Variants in MLXIP observed in about 807,000 individuals in gnomAD.
The protein encoded by MLXIP is MLX interacting protein.
A neutral mutation model predicts 87.2 loss-of-function variants in MLXIP; 30 were observed. That is an observed-to-expected ratio of 0.34 (90% confidence interval 0.26 to 0.47). The LOEUF (loss-of-function observed/expected upper bound fraction) is 0.47, where lower values mean the gene tolerates loss of function less well. Among genes scored for constraint, MLXIP ranks in the 20% least tolerant of loss-of-function variants. The pLI is 1.00. For missense variants in MLXIP, 1,002 were observed against 1,240.1 expected, an observed-to-expected ratio of 0.81 and a Z score of 2.88; for synonymous variants, 530 against 514.0, an observed-to-expected ratio of 1.03 and a Z score of -0.42.
At chr12:122,139,684 TC>T (rs1318889297) in intron 15 of MLXIP, among the ~76,000 whole-genome samples, 1 of 152,100 alleles carries the variant, frequency 6.6e-6, no homozygotes, top group Non-Finnish European at 1.5e-5. Flanking sequence ...GTTTCTTTTT[TC>T]CCCCTGAGAC....
chr12:122,114,903 T>G (rs1952665935), intron 1 of MLXIP, among the ~76,000 whole-genome samples: 1 of 151,834 alleles, frequency 6.6e-6, no homozygotes. Context: ...GCGCCACTAC[T>G]GCCCGGTTAA....
intron 1 of MLXIP, among the ~76,000 whole-genome samples, chr12:122,106,742 C>T (rs1454890174): frequency 1.3e-5 from 2 of 151,892 alleles, no homozygotes; most frequent in East Asian, 3.9e-4. Flanking sequence ...GCTGGGACTA[C>T]AGGCCTGCAC....
At chr12:122,101,879 T>C (rs1406693799) in intron 1 of MLXIP, among the ~76,000 whole-genome samples, 2 of 152,196 alleles carry the variant, frequency 1.3e-5, no homozygotes, top group Admixed American at 6.5e-5. Context: ...GCGCCCGGCC[T>C]TCTCTTCAAG....
At chr12:122,131,046 G>A (rs550206037) in intron 7 of MLXIP, 113 bp downstream of exon 7, 3 of 711,720 alleles carry the variant, frequency 4.2e-6, no homozygotes, top group South Asian at 3.6e-5. Flanking sequence ...GCAAGGGGGC[G>A]AGCAAAGAAT....
intron 1 of MLXIP, among the ~76,000 whole-genome samples, chr12:122,098,703 A>G (rs1213180548): frequency 6.6e-6 from 1 of 152,186 alleles, no homozygotes; most frequent in African/African-American, 2.4e-5. Context: ...AGGGAAGGGC[A>G]GGTTTTTCAG....
intron 7 of MLXIP, 67 bp from the exon 8 acceptor site, chr12:122,132,225 T>C: frequency 7.6e-7 from 1 of 1,307,800 alleles, no homozygotes; most frequent in Middle Eastern, 1.8e-4. Flanking sequence ...CCTGGCCCTG[T>C]TTGAGTCTTG....
At chr12:122,141,236 A>C in intron 16 of MLXIP, 153 bp downstream of exon 16, 1 of 694,584 alleles carries the variant, frequency 1.4e-6, no homozygotes, top group Non-Finnish European at 1.8e-6. Context: ...CTCAGTCAGG[A>C]GCGCCCAGTG....
At chr12:122,097,022 G>A (rs528395232) in intron 1 of MLXIP, among the ~76,000 whole-genome samples, 70 of 152,330 alleles carry the variant, frequency 4.6e-4, no homozygotes, top group Non-Finnish European at 7.6e-4. Flanking sequence ...GATTGAGTCC[G>A]GAGATGCCGC....
Position 122,145,873 on chromosome 12 carries a change from G to A in MLXIP, c.*4061G>A, listed in dbSNP as rs1228793585. The A allele has an allele frequency of 6.6e-6, 1 of 152,302 alleles. No individual in the cohort carries two copies. Among genetic ancestry groups the A allele is most frequent in the African/African-American group, 2.4e-5 (1 of 41,412 alleles). 9.4% of individuals were successfully genotyped at this position (152,302 alleles called of 1,614,324 possible). ...GCTCTGACGTGGGAAGGCTTGGAGG[G>A]CCCGTCTCATCACCCCCGTTCGCCC... On this transcript the variant is annotated 3_prime_UTR_variant, in exon 17 of 17. Coordinates refer to ENST00000319080, the MANE Select transcript of MLXIP (RefSeq NM_014938.6).
In MLXIP at chr12:122,129,252, C is replaced by T. The variant is rs1215839311; in HGVS notation, c.696+26C>T. ...GTATCTGGCTGGAGTGTTCAGGCAG[C>T]CCGCCTAGGGAGGGAGTGGGCAGAG... On this transcript the variant is annotated intron_variant, in intron 4 of 16. Coordinates refer to ENST00000319080, the MANE Select transcript of MLXIP (RefSeq NM_014938.6). The T allele has an allele frequency of 3.2e-6, 5 of 1,573,666 alleles. No homozygotes were observed. The South Asian group carries it at 3.4e-5, about 11-fold the overall frequency.
At chr12:122,099,616 A>G (rs565520900) in intron 1 of MLXIP, among the ~76,000 whole-genome samples, 16 of 152,358 alleles carry the variant, frequency 1.1e-4, no homozygotes, top group African/African-American at 3.4e-4. Flanking sequence ...TCAGGCTACA[A>G]ATAACCAGCA....
chr12:122,085,220 G>T (rs1206609889), intron 1 of MLXIP, among the ~76,000 whole-genome samples: 1 of 152,080 alleles, frequency 6.6e-6, no homozygotes, highest in African/African-American at 2.4e-5. Context: ...CCCCCTGGAA[G>T]GCACCCTGAT....
At chr12:122,109,702 T>C (rs28548845) in intron 1 of MLXIP, among the ~76,000 whole-genome samples, 76,939 of 152,002 alleles carry the variant, frequency 0.51, 19,981 homozygotes, top group Middle Eastern at 0.64. Flanking sequence ...CCAAACTCCT[T>C]TGCTACTTGG....
chr12:122,085,682 A>T (rs1189065458), intron 1 of MLXIP, among the ~76,000 whole-genome samples: 2 of 152,116 alleles, frequency 1.3e-5, no homozygotes, highest in Non-Finnish European at 2.9e-5. Context: ...AATTGTGTTT[A>T]TCTTGAGCTC....
At chr12:122,096,182 A>G (rs1952349249) in intron 1 of MLXIP, among the ~76,000 whole-genome samples, 3 of 151,978 alleles carry the variant, frequency 2.0e-5, no homozygotes, top group East Asian at 1.9e-4. Context: ...GGCTCAAGCA[A>G]TCGTCCCGCC....
At position 122,142,133 on chromosome 12, in the gene MLXIP, C is replaced by T. The variant is rs752236544; in HGVS notation, c.*321C>T. The stretch of plus-strand genomic sequence containing the variant: ...TGGTCCTGCCCTGCTGGTGGCCTGC[C>T]GGGCCTGGCGCCGGTGAGCGGAATC... On this transcript the variant is annotated 3_prime_UTR_variant, in exon 17 of 17. Coordinates refer to ENST00000319080, the MANE Select transcript of MLXIP (RefSeq NM_014938.6). 136 of 700,892 alleles carry T rather than the reference C, an allele frequency of 1.9e-4. No individual in the cohort carries two copies. Among genetic ancestry groups the T allele is most frequent in the Non-Finnish European group, 1.1e-4 (41 of 384,664 alleles). The allele number at this position is 700,892 out of a possible 1,614,324, so 43.4% of individuals were successfully genotyped here. A position where few individuals can be genotyped will look rare whatever the true frequency, so the allele number is the denominator to read the frequency against.
At position 122,079,186 on chromosome 12, in the gene MLXIP, C is replaced by A; in HGVS notation, c.333C>A (p.Ser111Arg). ...TVNKQTCQTYSFGKTSSCHLS... is the reference protein window; with the variant it reads ...TVNKQTCQTYRFGKTSSCHLS... ...ACAAACAGACGTGCCAGACCTACAG[C>A]TTCGGCAAGACTAGCTCCTGCCACC... Residue 111 changes from serine (S) to arginine (R), a missense_variant, in exon 1 of 17, where the codon AGC becomes AGA. Around this residue, in one of 3 missense-constraint regions of MLXIP, gnomAD observed 127 missense variants for 239.0 expected, o/e 0.53. Coordinates refer to ENST00000319080, the MANE Select transcript of MLXIP (RefSeq NM_014938.6). The A allele has an allele frequency of 6.4e-7, 1 of 1,551,372 alleles. No homozygotes were observed. The highest frequency in any genetic ancestry group is 8.7e-7 in the Non-Finnish European group (1 of 1,146,866).
intron 1 of MLXIP, among the ~76,000 whole-genome samples, chr12:122,097,277 C>T (rs1463757511): frequency 1.3e-5 from 2 of 152,080 alleles, no homozygotes; most frequent in Non-Finnish European, 1.5e-5. Context: ...GCAGTCCTGT[C>T]ACCCTGGCCT....
chr12:122,137,204 C>T lies in MLXIP; in HGVS notation c.2033-265C>T, dbSNP rs1446385565. ...CCCACCTGCGAAATATCTCGTAAAG[C>T]GACACCAGTGACTGGAACACGTCAC... is the stretch of plus-strand genomic sequence containing the variant. On this transcript the variant is annotated intron_variant, in intron 11 of 16. Coordinates refer to ENST00000319080, the MANE Select transcript of MLXIP (RefSeq NM_014938.6). The surrounding 1 kb of genome is among the most constrained non-coding windows in gnomAD (Gnocchi z 4.1). 2 of 304,190 alleles carry T rather than the reference C, an allele frequency of 6.6e-6. No homozygotes were observed. The highest frequency in any genetic ancestry group is 1.0e-4 in the Admixed American group (2 of 19,838). 18.8% of individuals were successfully genotyped at this position (304,190 alleles called of 1,614,324 possible). A position where few individuals can be genotyped will look rare whatever the true frequency, so the allele number is the denominator to read the frequency against.
Sources: gnomAD v4.1 joint callset for allele counts (sites outside exome capture counted in the v4.1 genomes callset) on GRCh38, gnomAD v4.1.1 for gene constraint, gnomAD v4.1.1 regional missense constraint, Gnocchi (gnomAD v3.1) non-coding constraint, MANE v1.5 for transcripts, NCBI Gene and HGNC (gene_info 2026-07-23, HGNC 2026-07-21) for gene names.